Variants in GRM7 observed in about 807,000 individuals in gnomAD.
The protein encoded by GRM7 is metabotropic glutamate receptor 7.
A neutral mutation model predicts 84.5 loss-of-function variants in GRM7; 35 were observed. That is an observed-to-expected ratio of 0.41 (90% confidence interval 0.32 to 0.55). The LOEUF is 0.55. GRM7 is among the 20% of genes least tolerant of loss of function. The pLI is 0.19. For synonymous variants in GRM7, 487 were observed against 455.1 expected (o/e 1.07, Z -0.89); for missense variants, 1,003 against 1,194.6 (o/e 0.84, Z 2.36).
chr3:7,679,654 G>A (rs1036374761), intron 8 of GRM7, among the ~76,000 whole-genome samples: 1 of 152,144 alleles, frequency 6.6e-6, no homozygotes, highest in Non-Finnish European at 1.5e-5. Context: ...AAGAAATCAT[G>A]GAGTGTGAAC....
intron 5 of GRM7, among the ~76,000 whole-genome samples, chr3:7,433,970 A>G (rs1198953906): frequency 1.3e-5 from 2 of 152,042 alleles, no homozygotes; most frequent in Non-Finnish European, 2.9e-5. Flanking sequence ...CATCAACATC[A>G]TATACCTCTC....
At chr3:7,347,546 G>GT (rs535401111) in intron 4 of GRM7, among the ~76,000 whole-genome samples, 1 of 152,134 alleles carries the variant, frequency 6.6e-6, no homozygotes, top group African/African-American at 2.4e-5. Flanking sequence ...CGGGGTTTGA[G>GT]TTTTTTCAAA....
At chr3:7,627,907 TA>T (rs1697689153) in intron 8 of GRM7, among the ~76,000 whole-genome samples, 1 of 152,170 alleles carries the variant, frequency 6.6e-6, no homozygotes, top group African/African-American at 2.4e-5. Flanking sequence ...AATTACCTTT[TA>T]AAAATTTCAG....
intron 8 of GRM7, among the ~76,000 whole-genome samples, chr3:7,602,080 C>CAAAAAAA (rs562646639): frequency 3.2e-5 from 3 of 93,794 alleles, no homozygotes. Flanking sequence ...ATTACCAGGA[C>CAAAAAAA]AAAAAAAAAA....
rs115272586 is a variant in GRM7 at position 7,361,674 on chromosome 3, C to T, written c.1034-53349C>T. ...TGGTTGAAAGCAAAAGAAACCAGTA[C>T]ATGCTAATTTAAGAAAATGAATTAT... is the stretch of plus-strand genomic sequence containing the variant. On this transcript the variant is annotated intron_variant, in intron 4 of 9. Transcript: ENST00000357716. Among the ~76,000 whole-genome samples the T allele has an allele frequency of 2.3e-3, 357 of 152,152 alleles. 1 individual carries two copies. The highest frequency in any genetic ancestry group is 8.2e-3 in the African/African-American group (339 of 41,530).
intron 2 of GRM7, among the ~76,000 whole-genome samples, chr3:7,273,559 G>A (rs193159509): frequency 8.3e-4 from 126 of 152,142 alleles, no homozygotes; most frequent in African/African-American, 2.9e-3. Context: ...TACACATTAT[G>A]TATTGTTATG....
chr3:7,494,180 A>G (rs12630433), intron 7 of GRM7, among the ~76,000 whole-genome samples: 71,223 of 151,836 alleles, frequency 0.47, 17,063 homozygotes, highest in East Asian at 0.72. Context: ...GCAATACATT[A>G]TTATTATTAT....
At chr3:7,717,200 A>G (rs1701795550) in intron 9 of GRM7, among the ~76,000 whole-genome samples, 1 of 152,108 alleles carries the variant, frequency 6.6e-6, no homozygotes, top group Non-Finnish European at 1.5e-5. Flanking sequence ...GATGAATTAT[A>G]GATGGGTCAA....
intron 1 of GRM7, among the ~76,000 whole-genome samples, chr3:7,103,245 T>C (rs1300268100): frequency 1.3e-5 from 2 of 151,958 alleles, no homozygotes; most frequent in East Asian, 1.9e-4. Flanking sequence ...GTGGAAACTT[T>C]GTTTCATGCA....
chr3:6,880,575 T>C (rs1049156745), intron 1 of GRM7, among the ~76,000 whole-genome samples: 7 of 152,150 alleles, frequency 4.6e-5, no homozygotes, highest in African/African-American at 1.7e-4. Context: ...TATATCTGAT[T>C]TTTTTTCCCT....
At chr3:7,303,929 G>T (rs1265846731) in intron 3 of GRM7, among the ~76,000 whole-genome samples, 1 of 119,864 alleles carries the variant, frequency 8.3e-6, no homozygotes, top group East Asian at 2.4e-4. Context: ...ATATCCTGTA[G>T]CTTCTTTTTT....
At chr3:7,078,003 A>G (rs1698153003) in intron 1 of GRM7, among the ~76,000 whole-genome samples, 2 of 152,104 alleles carry the variant, frequency 1.3e-5, no homozygotes, top group South Asian at 4.1e-4. Context: ...AATCAACTCA[A>G]CTCTGCCCTC....
At chr3:7,473,200 G>A (rs977693549) in intron 7 of GRM7, among the ~76,000 whole-genome samples, 3 of 152,156 alleles carry the variant, frequency 2.0e-5, no homozygotes, top group African/African-American at 7.2e-5. Context: ...CAGGGTAGTG[G>A]CTCACACCTG....
At chr3:7,522,170 C>T (rs534354243) in intron 7 of GRM7, among the ~76,000 whole-genome samples, 1 of 152,280 alleles carries the variant, frequency 6.6e-6, no homozygotes, top group Admixed American at 6.5e-5. Flanking sequence ...TAGGCTGGCT[C>T]TTTCTGATCA....
At chr3:7,483,953 A>T (rs1485152483) in intron 7 of GRM7, among the ~76,000 whole-genome samples, 1 of 152,168 alleles carries the variant, frequency 6.6e-6, no homozygotes, top group Non-Finnish European at 1.5e-5. Context: ...ATGTGTTACT[A>T]TTGAAAGTGC....
intron 1 of GRM7, among the ~76,000 whole-genome samples, chr3:7,043,074 C>T (rs1398229340): frequency 6.6e-6 from 1 of 152,176 alleles, no homozygotes; most frequent in Non-Finnish European, 1.5e-5. Flanking sequence ...ATGCTCCATA[C>T]ATTATGAGGT....
At chr3:6,915,074 A>G (rs191836957) in intron 1 of GRM7, among the ~76,000 whole-genome samples, 120 of 152,292 alleles carry the variant, frequency 7.9e-4, no homozygotes, top group Admixed American at 1.7e-3. Context: ...CTTAGGACTT[A>G]CTGCTCCAGG....
intron 9 of GRM7, among the ~76,000 whole-genome samples, chr3:7,701,056 A>C (rs1171529154): frequency 6.6e-6 from 1 of 152,206 alleles, no homozygotes; most frequent in Admixed American, 6.5e-5. Context: ...GAACAGATGC[A>C]TGAAATTGTT....
intron 5 of GRM7, among the ~76,000 whole-genome samples, chr3:7,445,800 G>T (rs538472851): frequency 6.6e-6 from 1 of 152,114 alleles, no homozygotes; most frequent in African/African-American, 2.4e-5. Context: ...ACAATACCCA[G>T]TTGACAGAGT....
Sources: gnomAD v4.1 joint callset for allele counts (sites outside exome capture counted in the v4.1 genomes callset) on GRCh38, gnomAD v4.1.1 for gene constraint, MANE v1.5 for transcripts, NCBI Gene and HGNC (gene_info 2026-07-23, HGNC 2026-07-21) for gene names.